SATB2: variants seen among roughly 807,000 people sequenced by gnomAD.
SATB2 encodes the protein DNA-binding protein SATB2.
Under a neutral mutation model 73.4 loss-of-function variants are expected in SATB2, and 1 was observed. The ratio of observed to expected loss-of-function variants is 0.01; its 90% CI spans 0.00 to 0.06. SATB2 has a LOEUF of 0.06. Ranked by LOEUF, SATB2 falls within the 10% of genes least tolerant of loss-of-function variation. The probability of loss-of-function intolerance (pLI) is 1.00; values close to 1 mark genes in which losing one functional copy is unlikely to be tolerated. For synonymous variants in SATB2, 397 were observed against 367.0 expected, an observed-to-expected ratio of 1.08 and a Z score of -0.93; for missense variants, 459 against 945.8, an observed-to-expected ratio of 0.49 and a Z score of 6.75.
chr2:199,323,744 G>A, intron 9 of SATB2, 59 bp downstream of exon 9: 1 of 1,489,490 alleles, frequency 6.7e-7, no homozygotes, highest in Non-Finnish European at 9.4e-7. Context: ...TTTTATTGGT[G>A]GAGGAAGGAG....
rs1389439817 is a variant in SATB2, at chr2:199,272,501, G to A, written c.1912C>T (p.Leu638=). 2 of 1,614,144 alleles carry A rather than the reference G, an allele frequency of 1.2e-6. No individual in the cohort carries two copies. The highest frequency in any genetic ancestry group is 1.7e-6 in the Non-Finnish European group (2 of 1,180,026). The change falls in exon 11 of 11, where the codon CTG becomes TTG. Residue 638 remains leucine (L), a synonymous_variant. Transcript: ENST00000417098. The surrounding 1 kb of genome is among the most constrained non-coding windows in gnomAD (Gnocchi z 6.7). ...ILQSFIHDVG[L]YPDQEAIHTL... is the part of the protein sequence containing the mutation. ...TGGATGGCTTCCTGGTCTGGGTACAGGCCTACATCATGAATAAAGCTTTGG... is the reference window on the plus strand; with the variant it reads ...TGGATGGCTTCCTGGTCTGGGTACAAGCCTACATCATGAATAAAGCTTTGG...
At chr2:199,332,882 C>T (rs939379085) in intron 7 of SATB2, among the ~76,000 whole-genome samples, 50 of 152,164 alleles carry the variant, frequency 3.3e-4, no homozygotes, top group African/African-American at 9.1e-4. Flanking sequence ...TGAGAAATTA[C>T]CTTTGATGGG....
At chr2:199,381,098 A>T (rs938590894) in intron 4 of SATB2, among the ~76,000 whole-genome samples, 2 of 152,188 alleles carry the variant, frequency 1.3e-5, no homozygotes, top group Non-Finnish European at 2.9e-5. Flanking sequence ...ACTGCAAAGA[A>T]CCTCCAGTTC....
At chr2:199,305,632 A>G (rs1687411385) in intron 10 of SATB2, among the ~76,000 whole-genome samples, 1 of 152,172 alleles carries the variant, frequency 6.6e-6, no homozygotes, top group Non-Finnish European at 1.5e-5. Context: ...TCTCTTCTTA[A>G]GAAGAGAGGC....
chr2:199,464,760 G>A lies in SATB2; in HGVS notation c.-141+76C>T, dbSNP rs552040865. The A allele has an allele frequency of 2.0e-5, 3 of 152,370 alleles. No individual in the cohort carries two copies. Among genetic ancestry groups the A allele is most frequent in the Admixed American group, 2.0e-4 (3 of 15,306 alleles). The allele number at this position is 152,370 out of a possible 1,614,324, so 9.4% of individuals were successfully genotyped here. On this transcript the variant is annotated intron_variant, in intron 1 of 11. Coordinates refer to the SATB2 transcript ENST00000260926. The surrounding 1 kb of genome is among the most constrained non-coding windows in gnomAD (Gnocchi z 6.6). ...GACCTGTTCCTTTCCAAAGTGTGAT[G>A]CCCGGTGTCCTACCCTAGGCCACGC...
upstream of SATB2, among the ~76,000 whole-genome samples, chr2:199,466,406 CCCATCATCCCCAGTTGTTGCTAT>C (rs1221402885): frequency 3.9e-5 from 6 of 152,330 alleles, no homozygotes; most frequent in South Asian, 1.2e-3. Context: ...CCTATGATCA[CCCATCATCCCCAGTTGTTGCTAT>C]CTCTGAGCTC....
chr2:199,328,339 G>A (rs1279338328), intron 8 of SATB2, among the ~76,000 whole-genome samples: 3 of 152,084 alleles, frequency 2.0e-5, no homozygotes, highest in East Asian at 1.9e-4. Flanking sequence ...TCAGGAGTTC[G>A]AGAAGAGCCT....
chr2:199,381,616 T>C (rs1470702856), intron 4 of SATB2, 78 bp downstream of exon 4: 6 of 1,556,916 alleles, frequency 3.9e-6, no homozygotes, highest in Middle Eastern at 3.3e-4. Context: ...AGACAGGACA[T>C]GCTGATCTTT....
intron 6 of SATB2, among the ~76,000 whole-genome samples, chr2:199,353,283 T>C (rs1558997821): frequency 6.7e-6 from 1 of 150,284 alleles, no homozygotes; most frequent in Non-Finnish European, 1.5e-5. Flanking sequence ...GCCTCCTGAG[T>C]AGCTGGGATT....
intron 3 of SATB2, among the ~76,000 whole-genome samples, chr2:199,426,692 CAAAA>C (rs200293007): frequency 5.9e-4 from 76 of 128,242 alleles, no homozygotes; most frequent in African/African-American, 8.2e-4. Flanking sequence ...CATTCTCTCT[CAAAA>C]AAAAAAAAAA....
At chr2:199,324,138 C>T (rs1687969239) in intron 8 of SATB2, among the ~76,000 whole-genome samples, 180 bp from the exon 9 acceptor site, 1 of 152,040 alleles carries the variant, frequency 6.6e-6, no homozygotes, top group Non-Finnish European at 1.5e-5. Flanking sequence ...CAGTGCATTC[C>T]TATAGGACAT....
At position 199,381,690 on chromosome 2, in the gene SATB2, C is replaced by G; in HGVS notation, c.473+4G>C. On this transcript the variant is annotated splice_donor_region_variant and intron_variant, in intron 4 of 10. Coordinates refer to ENST00000417098, the MANE Select transcript of SATB2 (RefSeq NM_001172509.2). ...AGGAAAAGCAGATGTTCAGAAACAC[C>G]CACCTTTGTAATTGGATTTTCAACG... is the stretch of plus-strand genomic sequence containing the variant. 1 of 1,613,940 alleles carries G rather than the reference C, an allele frequency of 6.2e-7. No homozygotes were observed.
At chr2:199,371,868 G>A (rs1433530826) in intron 5 of SATB2, among the ~76,000 whole-genome samples, 2 of 151,892 alleles carry the variant, frequency 1.3e-5, no homozygotes, top group Admixed American at 6.6e-5. Flanking sequence ...CACTTAAACC[G>A]AGGAACTATG....
At chr2:199,468,776 C>G (rs1426178399), upstream of SATB2, 1 of 152,370 alleles carries the variant, frequency 6.6e-6, no homozygotes, top group Non-Finnish European at 1.5e-5. Context: ...GCCAGCAGCC[C>G]CCGCCCCTCA....
chr2:199,440,852 CT>C (rs11291122), intron 2 of SATB2, among the ~76,000 whole-genome samples: 134,160 of 143,874 alleles, frequency 0.93, 63,022 homozygotes, highest in Non-Finnish European at 0.99. Context: ...ATCATAATTA[CT>C]TTTTTTTTTT....
chr2:199,426,285 T>TA (rs1691325382), intron 3 of SATB2, among the ~76,000 whole-genome samples: 2 of 152,084 alleles, frequency 1.3e-5, no homozygotes, highest in Admixed American at 6.5e-5. Flanking sequence ...CTTTCTTCTT[T>TA]TTTATTTATT....
In SATB2 at chr2:199,455,955, G is replaced by A. The variant is rs1367686940; in HGVS notation, c.83C>T (p.Pro28Leu). The A allele has an allele frequency of 6.5e-7, 1 of 1,538,720 alleles. No individual in the cohort carries two copies. The highest frequency in any genetic ancestry group is 1.2e-5 in the South Asian group (1 of 84,064). Reference sequence around the variant, plus strand: ...CTGCTCCAGCCGGGCCACCTTCACTGGGGGAGGCCCCTTGACGTCCGGGCT... The same window carrying A: ...CTGCTCCAGCCGGGCCACCTTCACTAGGGGAGGCCCCTTGACGTCCGGGCT... ...SGSPDVKGPP[P>L]VKVARLEQNG... The change falls in exon 2 of 11, where the codon CCA (proline) becomes CTA (leucine). Residue 28 changes from proline to leucine, a missense_variant. By Grantham distance (98) the Pro-to-Leu change is moderately conservative. Transcript: ENST00000417098. This position sits in a 1 kb window ranked among gnomAD's most constrained non-coding sequence, Gnocchi z 4.1.
intron 7 of SATB2, among the ~76,000 whole-genome samples, chr2:199,336,890 A>G (rs13392193): frequency 0.13 from 19,428 of 152,168 alleles, 1,472 homozygotes; most frequent in South Asian, 0.32. Flanking sequence ...TAATCTCCCT[A>G]TGGCACAGTC....
At chr2:199,384,757 T>C (rs990063234) in intron 3 of SATB2, among the ~76,000 whole-genome samples, 4 of 152,138 alleles carry the variant, frequency 2.6e-5, no homozygotes, top group African/African-American at 9.7e-5. Flanking sequence ...AATCCTCTCA[T>C]CTGTAAACTG....
Sources: allele counts gnomAD v4.1 joint callset (sites outside exome capture counted in the v4.1 genomes callset), GRCh38; gene constraint gnomAD v4.1.1; non-coding constraint Gnocchi (gnomAD v3.1); transcripts MANE v1.5; gene names NCBI Gene and HGNC (gene_info 2026-07-23, HGNC 2026-07-21).